STAMBPL1: variants seen among roughly 807,000 people sequenced by gnomAD.
The protein encoded by STAMBPL1 is STAM binding protein like 1, also known as AMSH-like protease.
Under a neutral mutation model 52.9 loss-of-function variants are expected in STAMBPL1, and 44 were observed. That is an observed-to-expected ratio of 0.83 (90% CI 0.65 to 1.07). The LOEUF is 1.07. Ranked by LOEUF, STAMBPL1 falls within the 50% of genes least tolerant of loss-of-function variation. The pLI is 0.00. For synonymous variants in STAMBPL1, 164 were observed against 177.3 expected (o/e 0.92, Z 0.60); for missense variants, 511 against 520.8 (o/e 0.98, Z 0.18).
At chr10:88,888,889 T>G (rs1038265610) in intron 1 of STAMBPL1, among the ~76,000 whole-genome samples, 1 of 152,178 alleles carries the variant, frequency 6.6e-6, no homozygotes, top group Non-Finnish European at 1.5e-5. Flanking sequence ...CAGCAATGAA[T>G]AAATAAAAAG....
chr10:88,922,330 A>G lies in STAMBPL1; in HGVS notation c.1155-7A>G. On this transcript the variant is annotated splice_polypyrimidine_tract_variant and splice_region_variant and intron_variant, in intron 9 of 10. Transcript: ENST00000371926. ...TTTTTCTATCTTGTTTTTGCTCTGA[A>G]ATTTAGCACTGGCATCTTCAGGCTC... 6.2e-7 allele frequency: 1 copy of G among 1,613,202 alleles called. No homozygotes were observed. The highest frequency in any genetic ancestry group is 8.5e-7 in the Non-Finnish European group (1 of 1,179,562).
chr10:88,901,996 A>G (rs188117968), intron 2 of STAMBPL1, among the ~76,000 whole-genome samples: 1 of 152,332 alleles, frequency 6.6e-6, no homozygotes, highest in African/African-American at 2.4e-5. Context: ...TCCTTTGGCA[A>G]AACACCGGAG....
chr10:88,921,312 C>G lies in STAMBPL1; in HGVS notation c.1071C>G (p.Ser357=), dbSNP rs768760415. Residue 357 remains serine (S), a synonymous_variant, in exon 9 of 11, where the codon TCC becomes TCG. Transcript: ENST00000371926. The part of the protein sequence containing the change: ...HTHPTQTAFL[S]SVDLHTHCSY... ...ATCCCACTCAAACTGCATTTTTATCCAGCGTTGATCTTCACACTCACTGTT... is the reference window on the plus strand; with the variant it reads ...ATCCCACTCAAACTGCATTTTTATCGAGCGTTGATCTTCACACTCACTGTT... The G allele has an allele frequency of 4.3e-6, 7 of 1,613,086 alleles. No homozygotes were observed. In the South Asian group the frequency reaches 7.7e-5, roughly 18 times the overall value.
intron 10 of STAMBPL1, 104 bp downstream of exon 10, chr10:88,922,540 T>C: frequency 2.0e-6 from 2 of 992,730 alleles, no homozygotes; most frequent in Non-Finnish European, 3.0e-6. Context: ...TAAAATACTG[T>C]ACTGCTTAGT....
intron 1 of STAMBPL1, chr10:88,901,120 T>G (rs546913507): frequency 1.3e-5 from 2 of 152,350 alleles, no homozygotes; most frequent in East Asian, 3.9e-4. Flanking sequence ...GGGAATAATA[T>G]TCCATGACCT....
At chr10:88,891,663 A>AT (rs947393215) in intron 1 of STAMBPL1, among the ~76,000 whole-genome samples, 11 of 152,102 alleles carry the variant, frequency 7.2e-5, no homozygotes, top group South Asian at 2.1e-4. Flanking sequence ...CTTATAAGGT[A>AT]TTTTTTTGCC....
intron 1 of STAMBPL1, among the ~76,000 whole-genome samples, chr10:88,884,127 C>T (rs1844471774): frequency 6.6e-6 from 1 of 152,098 alleles, no homozygotes; most frequent in Admixed American, 6.5e-5. Flanking sequence ...ATGAGATTCT[C>T]AATTTATTTT....
At chr10:88,884,685 G>T (rs1844485669) in intron 1 of STAMBPL1, among the ~76,000 whole-genome samples, 1 of 152,158 alleles carries the variant, frequency 6.6e-6, no homozygotes, top group Non-Finnish European at 1.5e-5. Flanking sequence ...TTCCTGCGGA[G>T]CCCTGGTGTA....
intron 3 of STAMBPL1, among the ~76,000 whole-genome samples, 183 bp from the exon 4 acceptor site, chr10:88,908,519 A>G (rs1845133753): frequency 6.6e-6 from 1 of 152,204 alleles, no homozygotes; most frequent in African/African-American, 2.4e-5. Flanking sequence ...GTTGAGCTTA[A>G]CCATTAATAC....
In STAMBPL1 at chr10:88,922,324, C is replaced by CCT; in HGVS notation, c.1155-13_1155-12insCT. ...CCTTAATTTTTCTATCTTGTTTTTG[C>CCT]TCTGAAATTTAGCACTGGCATCTTC... On this transcript the variant is annotated splice_polypyrimidine_tract_variant and intron_variant, in intron 9 of 10. Transcript: ENST00000371926. 2 of 1,611,502 alleles carry CCT rather than the reference C, an allele frequency of 1.2e-6. No individual in the cohort carries two copies. The highest frequency in any genetic ancestry group is 1.7e-6 in the Non-Finnish European group (2 of 1,178,454).
At chr10:88,921,621 G>C (rs1467982605) in intron 9 of STAMBPL1, among the ~76,000 whole-genome samples, 1 of 152,174 alleles carries the variant, frequency 6.6e-6, no homozygotes, top group African/African-American at 2.4e-5. Flanking sequence ...TGACTTTGAA[G>C]TGAATAACAT....
intron 2 of STAMBPL1, among the ~76,000 whole-genome samples, chr10:88,902,686 T>A (rs1844974558): frequency 6.6e-6 from 1 of 152,134 alleles, no homozygotes; most frequent in Admixed American, 6.5e-5. Flanking sequence ...TTCTCCTGCC[T>A]CAGCCTCCTG....
rs1345349543 is a variant in STAMBPL1 at position 88,922,393 on chromosome 10, A to C, written c.1211A>C (p.Lys404Thr). ...AGMLEVSACKKKGFHPHTKEP... is the reference protein window; with the variant it reads ...AGMLEVSACKTKGFHPHTKEP... Reference sequence around the variant, plus strand: ...ATGCTTGAGGTTTCTGCTTGTAAAAAAAAGGGCTTTCATCCACACACCAAG... The same window carrying C: ...ATGCTTGAGGTTTCTGCTTGTAAAACAAAGGGCTTTCATCCACACACCAAG... The change falls in exon 10 of 11, where the codon AAA becomes ACA. Residue 404 changes from lysine to threonine, a missense_variant. Physicochemically the swap from Lys to Thr is moderately conservative, Grantham distance 78. This residue lies in a region of STAMBPL1 where 137 missense variants were observed against 139.9 expected (regional missense o/e 0.98). Coordinates refer to ENST00000371926, the MANE Select transcript of STAMBPL1 (RefSeq NM_020799.4). 3 of 1,613,466 alleles carry C rather than the reference A, an allele frequency of 1.9e-6. No homozygotes were observed. In the African/African-American group the frequency reaches 4.0e-5, roughly 22 times the overall value.
chr10:88,893,737 C>G (rs1035121247), intron 1 of STAMBPL1: 1 of 152,094 alleles, frequency 6.6e-6, no homozygotes, highest in East Asian at 1.9e-4. Context: ...GTGAAATTTC[C>G]TCTCCAACAA....
At chr10:88,885,147 G>A (rs986362806) in intron 1 of STAMBPL1, among the ~76,000 whole-genome samples, 18 of 152,268 alleles carry the variant, frequency 1.2e-4, no homozygotes, top group Admixed American at 3.3e-4. Context: ...AGAGCTGGCC[G>A]TCAAACCCAG....
In STAMBPL1 at chr10:88,916,781, G is replaced by T; in HGVS notation, c.1005G>T (p.Gln335His). The T allele has an allele frequency of 6.2e-7, 1 of 1,609,154 alleles. No homozygotes were observed. The highest frequency in any genetic ancestry group is 1.1e-5 in the South Asian group (1 of 90,124). ...MENVEELFNV[Q>H]DQHDLLTLGW... The stretch of plus-strand genomic sequence containing the variant: ...ATGTAGAGGAATTATTCAATGTTCA[G>T]GATCAACATGATCTCCTCACTCTAG... The change falls in exon 8 of 11, where the codon CAG becomes CAT. Residue 335 changes from glutamine to histidine, a missense_variant. This residue lies in a region of STAMBPL1 where 137 missense variants were observed against 139.9 expected (regional missense o/e 0.98). Coordinates refer to ENST00000371926, the MANE Select transcript of STAMBPL1 (RefSeq NM_020799.4).
Position 88,903,057 on chromosome 10 carries a change from C to G in STAMBPL1, c.30+1319C>G, listed in dbSNP as rs17114049. 9.9e-3 allele frequency among the ~76,000 whole-genome samples: 1,506 copies of G among 152,268 alleles called. 31 individuals carry two copies. The highest frequency in any genetic ancestry group is 0.034 in the African/African-American group (1,422 of 41,548). ...AGGAGTCATACTTATGAGATGTCTT[C>G]TGTGTTTTTCTAGAACATTATATAA... On this transcript the variant is annotated intron_variant, in intron 2 of 10. Coordinates refer to ENST00000371926, the MANE Select transcript of STAMBPL1 (RefSeq NM_020799.4).
Position 88,914,524 on chromosome 10 carries a change from T to C in STAMBPL1, c.779-10T>C. ...GTTTTTTAGCCTTTTCTCCCTTTTTTGTTTCTTAGATTTAGTGGTTGAAGG... is the reference window on the plus strand; with the variant it reads ...GTTTTTTAGCCTTTTCTCCCTTTTTCGTTTCTTAGATTTAGTGGTTGAAGG... On this transcript the variant is annotated splice_polypyrimidine_tract_variant and intron_variant, in intron 6 of 10. Coordinates refer to ENST00000371926, the MANE Select transcript of STAMBPL1 (RefSeq NM_020799.4). 6.7e-7 allele frequency: 1 copy of C among 1,482,332 alleles called. No homozygotes were observed. The highest frequency in any genetic ancestry group is 9.0e-7 in the Non-Finnish European group (1 of 1,114,506). The allele number at this position is 1,482,332 out of a possible 1,614,324, so 91.8% of individuals were successfully genotyped here.
rs1048977632 is a variant in STAMBPL1 at position 88,892,818 on chromosome 10, A to G, written c.-53-8838A>G. 1.0e-3 allele frequency among the ~76,000 whole-genome samples: 155 copies of G among 152,348 alleles called. 1 individual carries two copies. Among genetic ancestry groups the G allele is most frequent in the African/African-American group, 3.4e-3 (143 of 41,580 alleles). ...TAGTGCTGGACTCAGTCCATTTTGT[A>G]GAACTACTGTCCTTAAGAAAGTTAT... On this transcript the variant is annotated intron_variant, in intron 1 of 10. Coordinates refer to ENST00000371926, the MANE Select transcript of STAMBPL1 (RefSeq NM_020799.4).
Sources: gnomAD v4.1 joint callset for allele counts (sites outside exome capture counted in the v4.1 genomes callset) on GRCh38, gnomAD v4.1.1 for gene constraint, gnomAD v4.1.1 regional missense constraint, MANE v1.5 for transcripts, NCBI Gene and HGNC (gene_info 2026-07-23, HGNC 2026-07-21) for gene names.